IPO7: variants seen among roughly 807,000 people sequenced by gnomAD.
IPO7 encodes importin-7.
In IPO7, 13 loss-of-function variants were observed where a neutral mutation model predicts 136.4. The ratio of observed to expected loss-of-function variants is 0.10; its 90% CI spans 0.06 to 0.15. The LOEUF (loss-of-function observed/expected upper bound fraction) is 0.15, where lower values mean the gene tolerates loss of function less well. Among genes scored for constraint, IPO7 ranks in the 10% least tolerant of loss-of-function variants. The pLI is 1.00. For missense variants in IPO7, 857 were observed against 1,240.6 expected (o/e 0.69, Z 4.65); for synonymous variants, 403 against 404.4 (o/e 1.00, Z 0.04).
chr11:9,436,388 T>A, intron 20 of IPO7, 22 bp downstream of exon 20: 1 of 1,523,532 alleles, frequency 6.6e-7, no homozygotes, highest in Non-Finnish European at 9.1e-7. Context: ...TAATAATGAT[T>A]TGTAGTTCAG....
chr11:9,429,449 T>C (rs1230538191), intron 14 of IPO7, among the ~76,000 whole-genome samples: 2 of 152,036 alleles, frequency 1.3e-5, no homozygotes, highest in African/African-American at 2.4e-5. Context: ...GAGGCTGCAG[T>C]GTGCTACGAT....
intron 2 of IPO7, among the ~76,000 whole-genome samples, chr11:9,406,177 T>C (rs144617297): frequency 7.6e-4 from 111 of 146,180 alleles, no homozygotes; most frequent in African/African-American, 2.7e-3. Context: ...GGTTTCGGCT[T>C]CCAAAGTATT....
Position 9,403,701 on chromosome 11 carries a change from T to G in IPO7, c.166+330T>G, listed in dbSNP as rs1278635576. Among the ~76,000 whole-genome samples, 3 of 152,222 alleles carry G rather than the reference T, an allele frequency of 2.0e-5. No individual in the cohort carries two copies. The East Asian group carries it at 5.8e-4, about 29-fold the overall frequency. ...TTTATATAGTCATCTCTTACCACCT[T>G]TTTGCTTTTATCGTTTTAACAGTTT... is the stretch of plus-strand genomic sequence containing the variant. On this transcript the variant is annotated intron_variant, in intron 2 of 24. Coordinates refer to ENST00000379719, the MANE Select transcript of IPO7 (RefSeq NM_006391.3).
chr11:9,423,951 AG>A, intron 10 of IPO7, 75 bp downstream of exon 10: 1 of 797,536 alleles, frequency 1.3e-6, no homozygotes, highest in Non-Finnish European at 2.2e-6. Flanking sequence ...TAGCCAACCT[AG>A]GGGGTATTAT....
At chr11:9,404,697 C>G (rs1455256703) in intron 2 of IPO7, among the ~76,000 whole-genome samples, 4 of 150,792 alleles carry the variant, frequency 2.7e-5, no homozygotes, top group African/African-American at 4.9e-5. Flanking sequence ...TCCTGAGTAG[C>G]TGGGACCACA....
At chr11:9,429,276 A>G in intron 14 of IPO7, 80 bp downstream of exon 14, 1 of 1,212,224 alleles carries the variant, frequency 8.2e-7, no homozygotes, top group Non-Finnish European at 1.2e-6. Context: ...GCACTTCGGT[A>G]GGCTTAGGTG....
intron 8 of IPO7, among the ~76,000 whole-genome samples, chr11:9,422,541 G>C (rs1482366312): frequency 6.6e-6 from 1 of 152,186 alleles, no homozygotes; most frequent in Non-Finnish European, 1.5e-5. Context: ...ACATGAAGTA[G>C]AGTTAGAACT....
chr11:9,400,744 G>A (rs960780091), intron 1 of IPO7, among the ~76,000 whole-genome samples: 3 of 152,040 alleles, frequency 2.0e-5, no homozygotes, highest in Non-Finnish European at 4.4e-5. Flanking sequence ...AATTTTTGGA[G>A]TGATTGAAAG....
At chr11:9,395,980 C>T (rs1854702654) in intron 1 of IPO7, among the ~76,000 whole-genome samples, 1 of 151,962 alleles carries the variant, frequency 6.6e-6, no homozygotes, top group African/African-American at 2.4e-5. Flanking sequence ...GTCTCAGCCT[C>T]CCAGAGTGCT....
intron 2 of IPO7, among the ~76,000 whole-genome samples, chr11:9,406,104 CTTTTTT>C (rs71062847): frequency 4.9e-5 from 3 of 61,814 alleles, no homozygotes; most frequent in African/African-American, 2.3e-4. Context: ...TGAGGCTGGT[CTTTTTT>C]TTTTTTTTTT....
At chr11:9,442,955 G>A (rs1855478861) in intron 24 of IPO7, among the ~76,000 whole-genome samples, 2 of 152,028 alleles carry the variant, frequency 1.3e-5, no homozygotes, top group South Asian at 4.2e-4. Flanking sequence ...CCTAGGAGGC[G>A]GAGGTTGCAG....
At chr11:9,438,056 T>TTG (rs1855406730) in intron 21 of IPO7, 24 bp from the exon 22 acceptor site, 1 of 489,404 alleles carries the variant, frequency 2.0e-6, no homozygotes. Context: ...TTTTTTTTTT[T>TTG]TTTTTTTTTT....
intron 5 of IPO7, among the ~76,000 whole-genome samples, chr11:9,416,670 G>A (rs985346919): frequency 6.6e-6 from 1 of 151,908 alleles, no homozygotes; most frequent in Non-Finnish European, 1.5e-5. Context: ...CTTACATCAC[G>A]TTAAAATAGA....
chr11:9,386,817 A>G lies in IPO7; in HGVS notation c.84+1970A>G, dbSNP rs546522967. ...CTACTGTTTTGGAATACTGTCAAAC[A>G]GTGAACACCGCTAATCTGTCAAAGA... is the stretch of plus-strand genomic sequence containing the variant. On this transcript the variant is annotated intron_variant, in intron 1 of 24. Coordinates refer to ENST00000379719, the MANE Select transcript of IPO7 (RefSeq NM_006391.3). 2.2e-4 allele frequency among the ~76,000 whole-genome samples: 34 copies of G among 152,340 alleles called. 1 individual carries two copies. The highest frequency in any genetic ancestry group is 3.4e-3 in the Middle Eastern group (1 of 294).
chr11:9,409,182 C>G (rs767765970), intron 3 of IPO7, among the ~76,000 whole-genome samples: 2 of 151,386 alleles, frequency 1.3e-5, no homozygotes, highest in Non-Finnish European at 2.9e-5. Flanking sequence ...AATCTCGGCT[C>G]GCTACAGCCT....
intron 6 of IPO7, 147 bp from the exon 7 acceptor site, chr11:9,420,264 C>T: frequency 1.8e-6 from 1 of 569,138 alleles, no homozygotes; most frequent in East Asian, 2.9e-5. Flanking sequence ...TTGCAGTGAG[C>T]TGAGATGGCA....
At chr11:9,439,034 A>G (rs1332472036) in intron 22 of IPO7, among the ~76,000 whole-genome samples, 3 of 152,110 alleles carry the variant, frequency 2.0e-5, no homozygotes, top group African/African-American at 7.2e-5. Context: ...AGCTACTTGG[A>G]AGTCTGAGGT....
Position 9,438,060 on chromosome 11 carries a change from T to TG in IPO7, c.2490-20_2490-19insG. 1.4e-5 allele frequency: 7 copies of TG among 516,482 alleles called. No homozygotes were observed. Among genetic ancestry groups the TG allele is most frequent in the Non-Finnish European group, 1.7e-5 (6 of 363,390 alleles). 32.0% of individuals were successfully genotyped at this position (516,482 alleles called of 1,614,324 possible). ...AAAGAAAACAGTTTTTTTTTTTTTT[T>TG]TTTTTTTTTTTTTTTTTAGGCTTCA... On this transcript the variant is annotated intron_variant, in intron 21 of 24. Transcript: ENST00000379719.
At chr11:9,429,525 ATT>A in intron 14 of IPO7, 147 bp from the exon 15 acceptor site, 5 of 449,500 alleles carry the variant, frequency 1.1e-5, no homozygotes, top group East Asian at 1.0e-4. Context: ...ATATATATAT[ATT>A]AATTGTAAAA....
Sources: gnomAD v4.1 joint callset for allele counts (sites outside exome capture counted in the v4.1 genomes callset) on GRCh38, gnomAD v4.1.1 for gene constraint, MANE v1.5 for transcripts, NCBI Gene and HGNC (gene_info 2026-07-23, HGNC 2026-07-21) for gene names.